DISC1: variants seen among roughly 807,000 people sequenced by gnomAD.
The protein encoded by DISC1 is DISC1 scaffold protein.
In DISC1, 57 loss-of-function variants were observed where a neutral mutation model predicts 84.5. The ratio of observed to expected loss-of-function variants is 0.67; its 90% CI spans 0.55 to 0.84. The LOEUF is 0.84. DISC1 is among the 40% of genes least tolerant of loss of function. DISC1 has a pLI of 0.00. For missense variants in DISC1, 1,000 were observed against 1,057.8 expected, an observed-to-expected ratio of 0.95 and a Z score of 0.76; for synonymous variants, 411 against 415.2, an observed-to-expected ratio of 0.99 and a Z score of 0.12.
rs1670033034 is a variant in DISC1, at chr1:232,031,376, GGAGAAGGGAAAGGAA to G, written c.2425+4835_2425+4849del. 6.7e-6 allele frequency among the ~76,000 whole-genome samples: 1 copy of G among 149,796 alleles called. No individual in the cohort carries two copies. Among genetic ancestry groups the G allele is most frequent in the African/African-American group, 2.5e-5 (1 of 40,660 alleles). On this transcript the variant is annotated intron_variant, in intron 12 of 12. Coordinates refer to ENST00000439617, the MANE Select transcript of DISC1 (RefSeq NM_018662.3). This position sits in a 1 kb window ranked among gnomAD's most constrained non-coding sequence, Gnocchi z 4.6. ...AAAGGAAAGGGAAGGGAGAGGGAAA[GGAGAAGGGAAAGGAA>G]GAGAAGGGAAGAAGGGAAGGGAGAA...
chr1:231,829,697 C>A (rs1350611857), intron 9 of DISC1, among the ~76,000 whole-genome samples: 2 of 152,136 alleles, frequency 1.3e-5, no homozygotes, highest in Admixed American at 6.5e-5. Context: ...TGAAGAGACA[C>A]CAAACAGGCT....
Position 231,756,516 on chromosome 1 carries a change from CGAGAGAGAGAGAGA to C in DISC1, c.1268+6475_1268+6488del, listed in dbSNP as rs60818301. On this transcript the variant is annotated intron_variant, in intron 4 of 12. Transcript: ENST00000439617. ...GGTTCACAAACGTATATGTGAATATCGAGAGAGAGAGAGAGAGAGAGAGAGAGAGAGAGAGAGAG... is the reference window on the plus strand; with the variant it reads ...GGTTCACAAACGTATATGTGAATATCGAGAGAGAGAGAGAGAGAGAGAGAG... 5.8e-3 allele frequency among the ~76,000 whole-genome samples: 779 copies of C among 133,536 alleles called. 5 individuals carry two copies. Among genetic ancestry groups the C allele is most frequent in the South Asian group, 7.5e-3 (28 of 3,752 alleles). 87.6% of individuals were successfully genotyped at this position (133,536 alleles called of 152,430 possible). A position where few individuals can be genotyped will look rare whatever the true frequency, so the allele number is the denominator to read the frequency against.
In DISC1 at chr1:231,998,275, C is replaced by G. The variant is rs139917532; in HGVS notation, c.2043-10510C>G. 5.0e-3 allele frequency among the ~76,000 whole-genome samples: 758 copies of G among 151,934 alleles called. 7 individuals are homozygous for G. The highest frequency in any genetic ancestry group is 0.017 in the African/African-American group (697 of 41,394). On this transcript the variant is annotated intron_variant, in intron 10 of 12. Coordinates refer to ENST00000439617, the MANE Select transcript of DISC1 (RefSeq NM_018662.3). The stretch of plus-strand genomic sequence containing the variant: ...ATATGAAGAATAGCAATATGAAGAT[C>G]AACATTCATATAAAAAGAATCCCAG...
chr1:231,869,249 C>T (rs1165873956), intron 9 of DISC1, among the ~76,000 whole-genome samples: 4 of 152,068 alleles, frequency 2.6e-5, no homozygotes, highest in Non-Finnish European at 5.9e-5. Context: ...TATACAACCA[C>T]CGGGGAGTCT....
chr1:231,714,685 A>T, intron 3 of DISC1, among the ~76,000 whole-genome samples: 1 of 151,734 alleles, frequency 6.6e-6, no homozygotes, highest in Non-Finnish European at 1.5e-5. Context: ...GAGAAGAGAG[A>T]CAGAAAGAGA....
chr1:231,627,337 T>C (rs2058347222), intron 1 of DISC1, among the ~76,000 whole-genome samples: 1 of 152,184 alleles, frequency 6.6e-6, no homozygotes, highest in African/African-American at 2.4e-5. Flanking sequence ...CGCCCCAGCC[T>C]GCGCCCCCTC....
chr1:231,966,149 A>G (rs979999877), intron 10 of DISC1, among the ~76,000 whole-genome samples: 1 of 152,196 alleles, frequency 6.6e-6, no homozygotes, highest in Non-Finnish European at 1.5e-5. Context: ...GATTATCTTG[A>G]CACTATATTC....
chr1:231,723,522 A>G (rs1333507517), intron 3 of DISC1: 1 of 985,354 alleles, frequency 1.0e-6, no homozygotes, highest in East Asian at 1.1e-4. Flanking sequence ...GGTTACATCA[A>G]AGGTTAAATT....
intron 9 of DISC1, among the ~76,000 whole-genome samples, chr1:231,877,587 G>C (rs537474817): frequency 6.6e-6 from 1 of 152,264 alleles, no homozygotes; most frequent in South Asian, 2.1e-4. Flanking sequence ...AGCTTTCAAC[G>C]CAATACTTGA....
intron 3 of DISC1, among the ~76,000 whole-genome samples, chr1:231,725,038 C>T (rs2070424942): frequency 1.3e-5 from 2 of 152,092 alleles, no homozygotes; most frequent in South Asian, 4.2e-4. Flanking sequence ...CAGTGAGTCA[C>T]TCCCTCGTGG....
chr1:231,715,772 A>T (rs2068617562), intron 3 of DISC1, among the ~76,000 whole-genome samples: 1 of 152,204 alleles, frequency 6.6e-6, no homozygotes, highest in African/African-American at 2.4e-5. Context: ...GAAAAATTTA[A>T]TGCATTTATT....
At chr1:231,872,201 C>T (rs2085513882) in intron 9 of DISC1, among the ~76,000 whole-genome samples, 2 of 152,152 alleles carry the variant, frequency 1.3e-5, no homozygotes, top group African/African-American at 4.8e-5. Context: ...TGATCACTTA[C>T]CCTATTGAAT....
rs953917587 is a variant in DISC1, at chr1:231,694,071, G to A, written c.313G>A (p.Ala105Thr). 4 of 1,614,202 alleles carry A rather than the reference G, an allele frequency of 2.5e-6. No individual in the cohort carries two copies. The highest frequency in any genetic ancestry group is 3.4e-6 in the Non-Finnish European group (4 of 1,180,028). The part of the protein sequence containing the change: ...VRSPVSKSAA[A>T]PTVTSVRGTS... Reference sequence around the variant, plus strand: ...GAGCCCTGTTTCCAAGAGTGCAGCAGCCCCTACTGTGACCTCTGTGAGAGG... The same window carrying A: ...GAGCCCTGTTTCCAAGAGTGCAGCAACCCCTACTGTGACCTCTGTGAGAGG... The change falls in exon 2 of 13, where the codon GCC (alanine) becomes ACC (threonine). Residue 105 changes from alanine to threonine, a missense_variant. Around this residue, in one of 3 missense-constraint regions of DISC1, gnomAD observed 292 missense variants for 280.2 expected, o/e 1.04. Coordinates refer to ENST00000439617, the MANE Select transcript of DISC1 (RefSeq NM_018662.3).
intron 9 of DISC1, among the ~76,000 whole-genome samples, chr1:231,907,018 T>G (rs2088726700): frequency 6.7e-6 from 1 of 149,332 alleles, no homozygotes; most frequent in Non-Finnish European, 1.5e-5. Flanking sequence ...CTCTTTCTTT[T>G]TCTTCTCTCT....
At chr1:231,735,910 TC>T (rs1405217213) in intron 3 of DISC1, among the ~76,000 whole-genome samples, 1 of 152,192 alleles carries the variant, frequency 6.6e-6, no homozygotes, top group Non-Finnish European at 1.5e-5. Context: ...CCTCCTGGGC[TC>T]AAGCCATCCT....
At chr1:231,717,213 GA>G (rs1443101138) in intron 3 of DISC1, among the ~76,000 whole-genome samples, 1 of 152,150 alleles carries the variant, frequency 6.6e-6, no homozygotes, top group Non-Finnish European at 1.5e-5. Flanking sequence ...AGGGAAATGT[GA>G]ATAAGTTTCC....
chr1:231,975,367 G>A (rs1196417040), intron 10 of DISC1, among the ~76,000 whole-genome samples: 2 of 152,126 alleles, frequency 1.3e-5, no homozygotes, highest in African/African-American at 4.8e-5. Context: ...CTTATACACT[G>A]CCGGTGGAAA....
In DISC1 at chr1:231,626,937, A is replaced by C. The variant is rs1320358948; in HGVS notation, c.67+3A>C. The stretch of plus-strand genomic sequence containing the variant: ...CGGCGGCGTGAGCCACCGCGCAGGT[A>C]GGGGAGCTGCCACAGAGTCCTAGCA... On this transcript the variant is annotated splice_donor_region_variant and intron_variant, in intron 1 of 12. Coordinates refer to ENST00000439617, the MANE Select transcript of DISC1 (RefSeq NM_018662.3). The C allele has an allele frequency of 4.0e-6, 6 of 1,502,882 alleles. No individual in the cohort carries two copies. Among genetic ancestry groups the C allele is most frequent in the Non-Finnish European group, 4.4e-6 (5 of 1,132,922 alleles). 93.1% of individuals were successfully genotyped at this position (1,502,882 alleles called of 1,614,324 possible).
intron 10 of DISC1, 147 bp from the exon 11 acceptor site, chr1:232,008,638 T>C: frequency 9.9e-7 from 1 of 1,013,072 alleles, no homozygotes; most frequent in Non-Finnish European, 1.4e-6. Context: ...TGATGAATCT[T>C]CTAGTTGAAA....
Sources: gnomAD v4.1 joint callset for allele counts (sites outside exome capture counted in the v4.1 genomes callset) on GRCh38, gnomAD v4.1.1 for gene constraint, gnomAD v4.1.1 regional missense constraint, Gnocchi (gnomAD v3.1) non-coding constraint, MANE v1.5 for transcripts, NCBI Gene and HGNC (gene_info 2026-07-23, HGNC 2026-07-21) for gene names.